Variants in ZNF442 observed in about 807,000 individuals in gnomAD.
ZNF442 encodes the protein zinc finger protein 442.
A neutral mutation model predicts 57.0 loss-of-function variants in ZNF442; 45 were observed. The observed-to-expected ratio is 0.79, with a 90% CI of 0.62 to 1.01. The LOEUF (loss-of-function observed/expected upper bound fraction) is 1.01, where lower values mean the gene tolerates loss of function less well. Among genes scored for constraint, ZNF442 ranks in the 50% least tolerant of loss-of-function variants. The pLI, the probability that ZNF442 is intolerant of heterozygous loss-of-function variation, is 0.00. For missense variants in ZNF442, 690 were observed against 756.5 expected (o/e 0.91, Z 1.03); for synonymous variants, 213 against 241.8 (o/e 0.88, Z 1.10).
intron 3 of ZNF442, among the ~76,000 whole-genome samples, chr19:12,353,761 C>T (rs1474829991): frequency 6.6e-6 from 1 of 152,142 alleles, no homozygotes; most frequent in Non-Finnish European, 1.5e-5. Context: ...AAAGATGGCG[C>T]TTGAAGAGGT....
chr19:12,351,404 A>C, intron 5 of ZNF442, 86 bp from the exon 6 acceptor site: 1 of 1,260,682 alleles, frequency 7.9e-7, no homozygotes, highest in Non-Finnish European at 1.1e-6. Context: ...ACATTTTTAC[A>C]TCATCATGCA....
At chr19:12,367,844 A>G (rs983554467), upstream of ZNF442, among the ~76,000 whole-genome samples, 1 of 151,748 alleles carries the variant, frequency 6.6e-6, no homozygotes, top group Non-Finnish European at 1.5e-5. Context: ...AATTTTTTGT[A>G]TTTTTAGTAG....
At chr19:12,363,350 T>G (rs1969472225) in intron 3 of ZNF442, among the ~76,000 whole-genome samples, 1 of 152,070 alleles carries the variant, frequency 6.6e-6, no homozygotes, top group African/African-American at 2.4e-5. Context: ...CAGCACTGAC[T>G]CGAACACAAA....
At chr19:12,357,053 A>G (rs1364928156) in intron 3 of ZNF442, among the ~76,000 whole-genome samples, 1 of 152,206 alleles carries the variant, frequency 6.6e-6, no homozygotes, top group Admixed American at 6.5e-5. Context: ...GGACTTGGTG[A>G]CCCACAGCCT....
At chr19:12,369,624 G>A (rs1043530122), upstream of ZNF442, among the ~76,000 whole-genome samples, 1 of 151,800 alleles carries the variant, frequency 6.6e-6, no homozygotes, top group African/African-American at 2.4e-5. Context: ...TGGGCCGGGC[G>A]CAGTGGCTTA....
At chr19:12,365,474 C>A in intron 1 of ZNF442, 59 bp downstream of exon 1, 1 of 435,042 alleles carries the variant, frequency 2.3e-6, no homozygotes, top group Non-Finnish European at 4.2e-6. Flanking sequence ...ACAGCCGGTT[C>A]TGGCCGGTTC....
At chr19:12,351,417 G>T in intron 5 of ZNF442, 99 bp from the exon 6 acceptor site, 3 of 1,116,954 alleles carry the variant, frequency 2.7e-6, no homozygotes, top group Non-Finnish European at 3.8e-6. Flanking sequence ...ATCATGCAAC[G>T]TGTAGGCTTC....
chr19:12,350,073 A>G lies in ZNF442; in HGVS notation c.1512T>C (p.Ser504=), dbSNP rs1969193615. 6.2e-7 allele frequency: 1 copy of G among 1,613,826 alleles called. No homozygotes were observed. ...GKAFSCFTYL[S]QHRRTHMAEK... Reference sequence around the variant, plus strand: ...CAGCCATGTGAGTCCTTCTATGTTGAGAAAGGTATGTGAAACAACTGAATG... The same window carrying G: ...CAGCCATGTGAGTCCTTCTATGTTGGGAAAGGTATGTGAAACAACTGAATG... Residue 504 remains serine, a synonymous_variant, in exon 6 of 6, where the codon TCT becomes TCC. Coordinates refer to ENST00000242804, the MANE Select transcript of ZNF442 (RefSeq NM_030824.3).
At chr19:12,363,364 G>A (rs1449836112) in intron 3 of ZNF442, among the ~76,000 whole-genome samples, 190 bp downstream of exon 3, 1 of 152,044 alleles carries the variant, frequency 6.6e-6, no homozygotes, top group Non-Finnish European at 1.5e-5. Context: ...ACACAAACAA[G>A]TCTAACTCAG....
chr19:12,351,308 T>C lies in ZNF442; in HGVS notation c.277A>G (p.Ile93Val), dbSNP rs10423273. ...TGGCGACTTTCACTAAATCTCTCTATGATATGACATCTGTAAAACATGAGA... is the reference window on the plus strand; with the variant it reads ...TGGCGACTTTCACTAAATCTCTCTACGATATGACATCTGTAAAACATGAGA... ...NPRRSLRCHIIERFSESRQPD... is the reference protein window; with the variant it reads ...NPRRSLRCHIVERFSESRQPD... The change falls in exon 6 of 6, where the codon ATA (isoleucine) becomes GTA (valine). Residue 93 changes from isoleucine to valine, a missense_variant. Physicochemically the swap from Ile to Val is conservative, Grantham distance 29. Coordinates refer to ENST00000242804, the MANE Select transcript of ZNF442 (RefSeq NM_030824.3). 14,740 of 1,610,322 alleles carry C rather than the reference T, an allele frequency of 9.2e-3. 1,106 individuals are homozygous for C. In the African/African-American group the frequency reaches 0.17, roughly 18 times the overall value.
chr19:12,360,788 G>A (rs551369406), intron 3 of ZNF442, among the ~76,000 whole-genome samples: 43 of 152,282 alleles, frequency 2.8e-4, no homozygotes, highest in African/African-American at 9.6e-4. Context: ...GCTGAGGCAC[G>A]AGAATCACAT....
At chr19:12,356,673 A>G (rs907312075) in intron 3 of ZNF442, among the ~76,000 whole-genome samples, 1 of 152,120 alleles carries the variant, frequency 6.6e-6, no homozygotes. Flanking sequence ...AATAATATCC[A>G]AATAAATTAA....
intron 2 of ZNF442, among the ~76,000 whole-genome samples, chr19:12,364,488 C>G (rs983126294): frequency 1.3e-5 from 2 of 151,314 alleles, no homozygotes; most frequent in South Asian, 4.2e-4. Flanking sequence ...AATACTGGGA[C>G]TCTGAAATTT....
upstream of ZNF442, among the ~76,000 whole-genome samples, chr19:12,369,157 A>G (rs1463752407): frequency 2.0e-5 from 3 of 151,910 alleles, no homozygotes; most frequent in Non-Finnish European, 2.9e-5. Context: ...CCAGAGAAGG[A>G]GAAGGGGTCA....
At chr19:12,354,401 A>G (rs1008631507) in intron 3 of ZNF442, among the ~76,000 whole-genome samples, 1 of 152,230 alleles carries the variant, frequency 6.6e-6, no homozygotes, top group Non-Finnish European at 1.5e-5. Context: ...AAAGAACTCA[A>G]TGTTACCTCT....
rs367744040 is a variant in ZNF442 at position 12,350,836 on chromosome 19, C to T, written c.749G>A (p.Ser250Asn). 1.9e-6 allele frequency: 3 copies of T among 1,613,944 alleles called. No individual in the cohort carries two copies. The highest frequency in any genetic ancestry group is 2.5e-6 in the Non-Finnish European group (3 of 1,179,978). Residue 250 changes from serine to asparagine, a missense_variant, in exon 6 of 6, where the codon AGT (serine) becomes AAT (asparagine). Coordinates refer to ENST00000242804, the MANE Select transcript of ZNF442 (RefSeq NM_030824.3). The part of the protein sequence containing the change: ...KQCCKAFPIY[S>N]SYLRHERTHT... ...TGTTCTTTCATGTCTTAGATAGGAA[C>T]TGTAAATAGGGAAGGCTTTACAACA...
intron 3 of ZNF442, among the ~76,000 whole-genome samples, chr19:12,353,598 T>A (rs1377820838): frequency 6.6e-6 from 1 of 152,160 alleles, no homozygotes. Flanking sequence ...GGAGAAAGTA[T>A]AGTATTTGCT....
the ZNF442 span, among the ~76,000 whole-genome samples, chr19:12,372,947 T>C: frequency 1.3e-5 from 2 of 152,186 alleles, no homozygotes; most frequent in Middle Eastern, 3.2e-3. Flanking sequence ...CTAATTTTTG[T>C]ATTTTTAGTA....
At chr19:12,370,955 AGAGT>A in the ZNF442 span, among the ~76,000 whole-genome samples, 1 of 150,740 alleles carries the variant, frequency 6.6e-6, no homozygotes, top group South Asian at 2.1e-4. Flanking sequence ...CCTGGGCAAC[AGAGT>A]GAGACCCCAT....
Sources: gnomAD v4.1 joint callset for allele counts (sites outside exome capture counted in the v4.1 genomes callset) on GRCh38, gnomAD v4.1.1 for gene constraint, MANE v1.5 for transcripts, NCBI Gene and HGNC (gene_info 2026-07-23, HGNC 2026-07-21) for gene names.